Variants in IGSF21 observed in about 807,000 individuals in gnomAD.
IGSF21 encodes the protein immunoglobulin superfamily member 21.
In IGSF21, 28 loss-of-function variants were observed where a neutral mutation model predicts 46.8. The observed-to-expected ratio is 0.60, with a 90% CI of 0.44 to 0.82. The LOEUF (loss-of-function observed/expected upper bound fraction) is 0.82. Ranked by LOEUF, IGSF21 falls within the 40% of genes least tolerant of loss-of-function variation. The pLI, the probability that IGSF21 is intolerant of heterozygous loss-of-function variation, is 0.00. For missense variants in IGSF21, 624 were observed against 665.5 expected (o/e 0.94, Z 0.69); for synonymous variants, 284 against 273.6 (o/e 1.04, Z -0.38).
At chr1:18,377,946 C>T (rs1216292072) in intron 9 of IGSF21, among the ~76,000 whole-genome samples, 9 of 152,200 alleles carry the variant, frequency 5.9e-5, no homozygotes, top group African/African-American at 1.4e-4. Context: ...GGGGCCCAGA[C>T]GCTGCTCCCA....
chr1:18,122,105 C>T (rs560943451), intron 1 of IGSF21, among the ~76,000 whole-genome samples: 2 of 152,212 alleles, frequency 1.3e-5, no homozygotes, highest in South Asian at 4.1e-4. Flanking sequence ...CAGAGATTGC[C>T]AAAGAAACCT....
intron 2 of IGSF21, among the ~76,000 whole-genome samples, chr1:18,266,627 G>C (rs1323798667): frequency 6.6e-6 from 1 of 152,230 alleles, no homozygotes; most frequent in African/African-American, 2.4e-5. Context: ...AACTTGCTAG[G>C]CCTCCAGAGG....
At chr1:18,339,926 T>A (rs1452527189) in intron 4 of IGSF21, among the ~76,000 whole-genome samples, 1 of 152,092 alleles carries the variant, frequency 6.6e-6, no homozygotes, top group Non-Finnish European at 1.5e-5. Flanking sequence ...TCTCAAACCC[T>A]CTGAAAGGAG....
chr1:18,266,980 T>G (rs1303422774), intron 2 of IGSF21, among the ~76,000 whole-genome samples: 15 of 152,090 alleles, frequency 9.9e-5, no homozygotes, highest in Admixed American at 9.8e-4. Flanking sequence ...CTTCCAGGAC[T>G]AATAAGGGAG....
chr1:18,319,418 AC>A lies in IGSF21; in HGVS notation c.306-15472del, dbSNP rs1462454685. ...GGAAGTGTAGTCTCTATTTTGGGCA[AC>A]CATGTGTCCAGGAAACTATCATAGT... On this transcript the variant is annotated intron_variant, in intron 3 of 9. Coordinates refer to ENST00000251296, the MANE Select transcript of IGSF21 (RefSeq NM_032880.5). Among the ~76,000 whole-genome samples the A allele has an allele frequency of 2.0e-5, 3 of 152,360 alleles. No individual in the cohort carries two copies. In the East Asian group the frequency reaches 5.8e-4, roughly 29 times the overall value.
intron 6 of IGSF21, among the ~76,000 whole-genome samples, chr1:18,372,798 A>G (rs1178157529): frequency 1.4e-5 from 2 of 144,764 alleles, no homozygotes; most frequent in Non-Finnish European, 3.0e-5. Flanking sequence ...GGATGAATAG[A>G]TGGATGTTTG....
At chr1:18,255,261 G>C (rs1031180544) in intron 2 of IGSF21, among the ~76,000 whole-genome samples, 1 of 152,140 alleles carries the variant, frequency 6.6e-6, no homozygotes, top group Admixed American at 6.5e-5. Flanking sequence ...GCACTCCCCT[G>C]GGTACCTGCT....
chr1:18,151,352 G>A (rs75231615), intron 1 of IGSF21, among the ~76,000 whole-genome samples: 3,204 of 152,330 alleles, frequency 0.021, 44 homozygotes, highest in Non-Finnish European at 0.033. Flanking sequence ...CCAGGCAATG[G>A]TTCTGGGGGC....
At chr1:18,171,504 C>T (rs1206531532) in intron 1 of IGSF21, among the ~76,000 whole-genome samples, 1 of 152,180 alleles carries the variant, frequency 6.6e-6, no homozygotes, top group African/African-American at 2.4e-5. Flanking sequence ...GCTAGGAACT[C>T]AGTCCCCAGC....
chr1:18,145,404 A>G (rs1465038351), intron 1 of IGSF21, among the ~76,000 whole-genome samples: 1 of 152,030 alleles, frequency 6.6e-6, no homozygotes, highest in African/African-American at 2.4e-5. Context: ...GGCAAAACCA[A>G]CCATGTGAAA....
chr1:18,305,978 A>T (rs1035522710), intron 3 of IGSF21, among the ~76,000 whole-genome samples: 12 of 152,204 alleles, frequency 7.9e-5, no homozygotes, highest in Non-Finnish European at 1.5e-5. Context: ...TTTTCTTTCC[A>T]GCTCACAACT....
intron 3 of IGSF21, among the ~76,000 whole-genome samples, chr1:18,299,702 CCT>C (rs2085343265): frequency 6.6e-6 from 1 of 152,156 alleles, no homozygotes; most frequent in African/African-American, 2.4e-5. Flanking sequence ...GAAACCCGTT[CCT>C]CTCTCTCCCA....
In IGSF21 at chr1:18,376,812, C is replaced by G; in HGVS notation, c.1114C>G (p.Pro372Ala). The G allele has an allele frequency of 1.9e-6, 3 of 1,593,538 alleles. No individual in the cohort carries two copies. The highest frequency in any genetic ancestry group is 2.6e-6 in the Non-Finnish European group (3 of 1,165,382). Residue 372 changes from proline (P) to alanine (A), a missense_variant, in exon 8 of 10, where the codon CCG (proline) becomes GCG (alanine). Physicochemically the swap from Pro to Ala is conservative, Grantham distance 27. Transcript: ENST00000251296. ...LVHGFQNEVFPEPMFTWTRVG... is the reference protein window; with the variant it reads ...LVHGFQNEVFAEPMFTWTRVG... ...ATCTGGCCAACAGAACGAAGTCTTC[C>G]CGGAGCCCATGTTCACGTGGACGCG...
At chr1:18,272,595 C>T (rs2085053242) in intron 2 of IGSF21, among the ~76,000 whole-genome samples, 1 of 152,250 alleles carries the variant, frequency 6.6e-6, no homozygotes, top group Admixed American at 6.5e-5. Flanking sequence ...GATCCATCAC[C>T]CATGTGACCG....
At chr1:18,304,744 C>CAT (rs1041553987) in intron 3 of IGSF21, among the ~76,000 whole-genome samples, 2 of 151,018 alleles carry the variant, frequency 1.3e-5, no homozygotes, top group African/African-American at 4.9e-5. Flanking sequence ...CACACACACA[C>CAT]ACATTATCCT....
At chr1:18,114,611 A>G (rs1469332291) in intron 1 of IGSF21, 1 of 152,202 alleles carries the variant, frequency 6.6e-6, no homozygotes, top group African/African-American at 2.4e-5. Context: ...CCCTGACTAG[A>G]TATCTTAACT....
At chr1:18,201,128 G>C (rs924009640) in intron 1 of IGSF21, among the ~76,000 whole-genome samples, 1 of 152,206 alleles carries the variant, frequency 6.6e-6, no homozygotes, top group African/African-American at 2.4e-5. Flanking sequence ...TCTGGGTAGA[G>C]GAAGGAGCTT....
At chr1:18,177,878 C>G (rs772241677) in intron 1 of IGSF21, among the ~76,000 whole-genome samples, 1 of 151,998 alleles carries the variant, frequency 6.6e-6, no homozygotes, top group Non-Finnish European at 1.5e-5. Flanking sequence ...ATTTGGATCT[C>G]CTAGGGGGTG....
intron 3 of IGSF21, among the ~76,000 whole-genome samples, chr1:18,332,581 G>C (rs2085724783): frequency 6.6e-6 from 1 of 151,590 alleles, no homozygotes; most frequent in Non-Finnish European, 1.5e-5. Flanking sequence ...TATTTTTTCA[G>C]TCTAGCTGAG....
Sources: gnomAD v4.1 joint callset for allele counts (sites outside exome capture counted in the v4.1 genomes callset) on GRCh38, gnomAD v4.1.1 for gene constraint, MANE v1.5 for transcripts, NCBI Gene and HGNC (gene_info 2026-07-23, HGNC 2026-07-21) for gene names.